Variants in OR8J3 observed in about 807,000 individuals in gnomAD.
The protein encoded by OR8J3 is olfactory receptor 8J3.
For missense variants in OR8J3, 418 were observed against 379.8 expected (o/e 1.10, Z -0.84); for synonymous variants, 170 against 142.6 (o/e 1.19, Z -1.37).
chr11:56,138,693 C>A (rs1262947225), intron 1 of OR8J3, among the ~76,000 whole-genome samples, 196 bp from the exon 2 acceptor site: 20 of 145,510 alleles, frequency 1.4e-4, no homozygotes, highest in Admixed American at 1.4e-4. Flanking sequence ...GACTCCGTCT[C>A]AAAAAAAAAA....
At position 56,136,831 on chromosome 11, in the gene OR8J3, A is replaced by G; in HGVS notation, c.888T>C (p.Asp296=). 2 of 1,607,870 alleles carry G rather than the reference A, an allele frequency of 1.2e-6. No individual in the cohort carries two copies. The highest frequency in any genetic ancestry group is 1.7e-6 in the Non-Finnish European group (2 of 1,178,258). The change falls in exon 2 of 2, where the codon GAT becomes GAC. Residue 296 remains aspartate, a synonymous_variant. Transcript: ENST00000642058. The stretch of plus-strand genomic sequence containing the variant: ...TGAATTTCTTTAAGGCAACATTTAC[A>G]TCATTATTCCTCAGGCTGTAGATCA... ...NPLIYSLRNN[D]VNVALKKFME...
chr11:56,135,084 A>G lies in OR8J3; in HGVS notation c.*1687T>C, dbSNP rs1267757430. 1 of 152,134 alleles carries G rather than the reference A, an allele frequency of 6.6e-6. No homozygotes were observed. The highest frequency in any genetic ancestry group is 1.5e-5 in the Non-Finnish European group (1 of 67,898). The allele number at this position is 152,134 out of a possible 1,614,324, so 9.4% of individuals were successfully genotyped here. ...CATTTGTCATATTTGGCTACAAACA[A>G]TTTTATGGTCTTCTAGCATTTCTTC... On this transcript the variant is annotated 3_prime_UTR_variant, in exon 2 of 2. Coordinates refer to ENST00000642058, the MANE Select transcript of OR8J3 (RefSeq NM_001004064.2).
chr11:56,137,624 AG>A lies in OR8J3; in HGVS notation c.94del (p.Leu32Ter). ...TGCCATGGTCAGCACATAGAGCACT[AG>A]GAAGACCAGGAAGAGGGGAATCTGG... ...ELQIPLFLVF[L>X]VLYVLTMAGN... is the part of the protein sequence containing the mutation. On this transcript the variant is annotated frameshift_variant, in exon 2 of 2. Coordinates refer to ENST00000642058, the MANE Select transcript of OR8J3 (RefSeq NM_001004064.2). LOFTEE classifies it low-confidence loss of function (END_TRUNC). 6.2e-7 allele frequency: 1 copy of A among 1,614,228 alleles called. No homozygotes were observed. The highest frequency in any genetic ancestry group is 8.5e-7 in the Non-Finnish European group (1 of 1,180,032).
chr11:56,135,586 T>A lies in OR8J3; in HGVS notation c.*1185A>T, dbSNP rs1480972425. 1.3e-5 allele frequency: 2 copies of A among 152,000 alleles called. No individual in the cohort carries two copies. Among genetic ancestry groups the A allele is most frequent in the African/African-American group, 4.8e-5 (2 of 41,430 alleles). The allele number at this position is 152,000 out of a possible 1,614,324, so 9.4% of individuals were successfully genotyped here. A position where few individuals can be genotyped will look rare whatever the true frequency, so the allele number is the denominator to read the frequency against. ...TTCATATCATTCATAATTATTCATA[T>A]CATAATTATTCATACCATATCATAA... On this transcript the variant is annotated 3_prime_UTR_variant, in exon 2 of 2. Coordinates refer to ENST00000642058, the MANE Select transcript of OR8J3 (RefSeq NM_001004064.2).
Position 56,137,471 on chromosome 11 carries a change from A to T in OR8J3, c.248T>A (p.Met83Lys). The T allele has an allele frequency of 1.9e-6, 3 of 1,614,238 alleles. No individual in the cohort carries two copies. Among genetic ancestry groups the T allele is most frequent in the Non-Finnish European group, 2.5e-6 (3 of 1,180,040 alleles). Residue 83 changes from methionine (M) to lysine (K), a missense_variant, in exon 2 of 2, where the codon ATG becomes AAG. Physicochemically the swap from Met to Lys is moderately conservative, Grantham distance 95 (BLOSUM62 -1). Coordinates refer to ENST00000642058, the MANE Select transcript of OR8J3 (RefSeq NM_001004064.2). Reference protein sequence around the residue: ...NSTVIAPKMLMNFLVKKKTTS... With the variant: ...NSTVIAPKMLKNFLVKKKTTS... ...AGTTTTCTTCTTTACTAAAAAGTTC[A>T]TCAGCATTTTAGGGGCAATGACAGT... is the stretch of plus-strand genomic sequence containing the variant.
chr11:56,138,938 T>A (rs1350002955), intron 1 of OR8J3, among the ~76,000 whole-genome samples: 1 of 152,174 alleles, frequency 6.6e-6, no homozygotes, highest in Non-Finnish European at 1.5e-5. Flanking sequence ...CTGTTTTTTT[T>A]ACGTTTTTTG....
At position 56,137,777 on chromosome 11, in the gene OR8J3, G is replaced by A. The variant is rs897211509; in HGVS notation, c.-59C>T. 44 of 1,400,620 alleles carry A rather than the reference G, an allele frequency of 3.1e-5. No homozygotes were observed. In the African/African-American group the frequency reaches 5.4e-4, roughly 17 times the overall value. 86.8% of individuals were successfully genotyped at this position (1,400,620 alleles called of 1,614,324 possible). A position where few individuals can be genotyped will look rare whatever the true frequency, so the allele number is the denominator to read the frequency against. Reference sequence around the variant, plus strand: ...AAAATAAGTGGTTATAGACGTTAAGGAATCATTTTCTAGGATTTCCACTAG... The same window carrying A: ...AAAATAAGTGGTTATAGACGTTAAGAAATCATTTTCTAGGATTTCCACTAG... On this transcript the variant is annotated 5_prime_UTR_variant, in exon 2 of 2. Transcript: ENST00000642058.
In OR8J3 at chr11:56,136,562, G is replaced by A. The variant is rs930366471; in HGVS notation, c.*209C>T. 1 of 353,278 alleles carries A rather than the reference G, an allele frequency of 2.8e-6. No individual in the cohort carries two copies. Among genetic ancestry groups the A allele is most frequent in the Non-Finnish European group, 5.0e-6 (1 of 199,158 alleles). The allele number at this position is 353,278 out of a possible 1,614,324, so 21.9% of individuals were successfully genotyped here. On this transcript the variant is annotated 3_prime_UTR_variant, in exon 2 of 2. Transcript: ENST00000642058. Reference sequence around the variant, plus strand: ...AATATTTTATTCAAACTGGTTACCTGATTATTTCTGGGCAAAGTTAATAAA... The same window carrying A: ...AATATTTTATTCAAACTGGTTACCTAATTATTTCTGGGCAAAGTTAATAAA...
rs1214938583 is a variant in OR8J3, at chr11:56,135,966, A to C, written c.*805T>G. ...CAAAAACTATCAGAAAAAAAGAACA[A>C]AAATTCAAAAAATATTTCTGATGAT... On this transcript the variant is annotated 3_prime_UTR_variant, in exon 2 of 2. Transcript: ENST00000642058. The C allele has an allele frequency of 6.6e-6, 1 of 152,048 alleles. No homozygotes were observed. The highest frequency in any genetic ancestry group is 2.4e-5 in the African/African-American group (1 of 41,448). The allele number at this position is 152,048 out of a possible 1,614,324, so 9.4% of individuals were successfully genotyped here.
rs1854331793 is a variant in OR8J3 at position 56,136,603 on chromosome 11, G to T, written c.*168C>A. 2 of 462,894 alleles carry T rather than the reference G, an allele frequency of 4.3e-6. No individual in the cohort carries two copies. The highest frequency in any genetic ancestry group is 7.5e-6 in the Non-Finnish European group (2 of 266,492). The allele number at this position is 462,894 out of a possible 1,614,324, so 28.7% of individuals were successfully genotyped here. A position where few individuals can be genotyped will look rare whatever the true frequency, so the allele number is the denominator to read the frequency against. The stretch of plus-strand genomic sequence containing the variant: ...AGTTAATAAATAATATTTTTGTTTT[G>T]TATTACTCTCATAACTCAAAATGTT... On this transcript the variant is annotated 3_prime_UTR_variant, in exon 2 of 2. Coordinates refer to ENST00000642058, the MANE Select transcript of OR8J3 (RefSeq NM_001004064.2).
In OR8J3 at chr11:56,137,347, C is replaced by T; in HGVS notation, c.372G>A (p.Val124=). Reference sequence around the variant, plus strand: ...TGTAGAGCAGAGGGTTACAAATGGCCACATAGCGGTCATAGGCCATCACAG... The same window carrying T: ...TGTAGAGCAGAGGGTTACAAATGGCTACATAGCGGTCATAGGCCATCACAG... ...MLAVMAYDRY[V]AICNPLLYMV... Residue 124 remains valine, a synonymous_variant, in exon 2 of 2, where the codon GTG becomes GTA. Coordinates refer to ENST00000642058, the MANE Select transcript of OR8J3 (RefSeq NM_001004064.2). 4.3e-6 allele frequency: 7 copies of T among 1,613,972 alleles called. No individual in the cohort carries two copies. Among genetic ancestry groups the T allele is most frequent in the Non-Finnish European group, 5.9e-6 (7 of 1,179,998 alleles).
Position 56,137,841 on chromosome 11 carries a change from G to C in OR8J3, c.-123C>G. On this transcript the variant is annotated 5_prime_UTR_variant, in exon 2 of 2. Transcript: ENST00000642058. ...TTCCTGGGTGTGATCTTCTTGTCAT[G>C]TATTAATCTAATTCAGTTATTAAAC... The C allele has an allele frequency of 1.3e-6, 1 of 749,592 alleles. No individual in the cohort carries two copies. The highest frequency in any genetic ancestry group is 1.8e-5 in the African/African-American group (1 of 56,788). The allele number at this position is 749,592 out of a possible 1,614,324, so 46.4% of individuals were successfully genotyped here.
rs1854339375 is a variant in OR8J3, at chr11:56,137,123, A to G, written c.596T>C (p.Val199Ala). 1 of 1,613,240 alleles carries G rather than the reference A, an allele frequency of 6.2e-7. No homozygotes were observed. The highest frequency in any genetic ancestry group is 8.5e-7 in the Non-Finnish European group (1 of 1,179,690). The change falls in exon 2 of 2, where the codon GTC becomes GCC. Residue 199 changes from valine to alanine, a missense_variant. Transcript: ENST00000642058. ...CSDTYIPETI[V>A]FISAATNLVF... ...CAAATTTGTTGCTGCAGATATAAAG[A>G]CTATTGTTTCTGGTATGTAAGTATC...
At position 56,136,924 on chromosome 11, in the gene OR8J3, G is replaced by T; in HGVS notation, c.795C>A (p.Asn265Lys). ...CCATCTTATCAGTATCCAGTGAGTG[G>T]TTGGTTTGGGGCTGCAAATACATAA... ...MLFMYLQPQT[N>K]HSLDTDKMAS... is the part of the protein sequence containing the mutation. Residue 265 changes from asparagine to lysine, a missense_variant, in exon 2 of 2, where the codon AAC (asparagine) becomes AAA (lysine). Physicochemically the swap from Asn to Lys is moderately conservative, Grantham distance 94. Transcript: ENST00000642058. 6.2e-7 allele frequency: 1 copy of T among 1,614,142 alleles called. No homozygotes were observed. Among genetic ancestry groups the T allele is most frequent in the Non-Finnish European group, 8.5e-7 (1 of 1,180,014 alleles).
Position 56,136,844 on chromosome 11 carries a change from A to T in OR8J3, c.875T>A (p.Leu292Gln). Residue 292 changes from leucine (L) to glutamine (Q), a missense_variant, in exon 2 of 2, where the codon CTG becomes CAG. By Grantham distance (113) the Leu-to-Gln change is moderately radical (BLOSUM62 -2). Transcript: ENST00000642058. Reference protein sequence around the residue: ...IPMLNPLIYSLRNNDVNVALK... With the variant: ...IPMLNPLIYSQRNNDVNVALK... Reference sequence around the variant, plus strand: ...GGCAACATTTACATCATTATTCCTCAGGCTGTAGATCAAGGGATTCAGCAT... The same window carrying T: ...GGCAACATTTACATCATTATTCCTCTGGCTGTAGATCAAGGGATTCAGCAT... 1 of 1,611,934 alleles carries T rather than the reference A, an allele frequency of 6.2e-7. No individual in the cohort carries two copies. Among genetic ancestry groups the T allele is most frequent in the Non-Finnish European group, 8.5e-7 (1 of 1,179,336 alleles).
At position 56,136,947 on chromosome 11, in the gene OR8J3, T is replaced by C; in HGVS notation, c.772A>G (p.Met258Val). The C allele has an allele frequency of 6.2e-7, 1 of 1,613,986 alleles. No homozygotes were observed. The highest frequency in any genetic ancestry group is 8.5e-7 in the Non-Finnish European group (1 of 1,179,974). ...TGGTTGGTTTGGGGCTGCAAATACA[T>C]AAATAGCATTGTCCCATAGAAAACC... ...VTVFYGTMLF[M>V]YLQPQTNHSL... The change falls in exon 2 of 2, where the codon ATG becomes GTG. Residue 258 changes from methionine (M) to valine (V), a missense_variant. Coordinates refer to ENST00000642058, the MANE Select transcript of OR8J3 (RefSeq NM_001004064.2).
chr11:56,139,350 GT>G (rs144074381), intron 1 of OR8J3, among the ~76,000 whole-genome samples: 33,326 of 150,836 alleles, frequency 0.22, 4,571 homozygotes, highest in East Asian at 0.36. Flanking sequence ...AAATAAAGAA[GT>G]GACTACTTAA....
chr11:56,137,770 C>T lies in OR8J3; in HGVS notation c.-52G>A, dbSNP rs753761200. On this transcript the variant is annotated 5_prime_UTR_variant, in exon 2 of 2. Coordinates refer to ENST00000642058, the MANE Select transcript of OR8J3 (RefSeq NM_001004064.2). ...GAGGAAGAAAATAAGTGGTTATAGA[C>T]GTTAAGGAATCATTTTCTAGGATTT... 2 of 1,432,272 alleles carry T rather than the reference C, an allele frequency of 1.4e-6. No homozygotes were observed. 88.7% of individuals were successfully genotyped at this position (1,432,272 alleles called of 1,614,324 possible).
chr11:56,138,145 A>G lies in OR8J3; in HGVS notation c.-427T>C, dbSNP rs988285102. On this transcript the variant is annotated 5_prime_UTR_variant, in exon 2 of 2. Transcript: ENST00000642058. Reference sequence around the variant, plus strand: ...TGGCTACTTGCAATTTCCTAATCTGATAATTCTTCCTTTGCCTCAAGACTA... The same window carrying G: ...TGGCTACTTGCAATTTCCTAATCTGGTAATTCTTCCTTTGCCTCAAGACTA... 6 of 170,444 alleles carry G rather than the reference A, an allele frequency of 3.5e-5. No individual in the cohort carries two copies. The highest frequency in any genetic ancestry group is 5.0e-5 in the Non-Finnish European group (4 of 79,896). The allele number at this position is 170,444 out of a possible 1,614,324, so 10.6% of individuals were successfully genotyped here.
Sources: allele counts gnomAD v4.1 joint callset (sites outside exome capture counted in the v4.1 genomes callset), GRCh38; gene constraint gnomAD v4.1.1; transcripts MANE v1.5; gene names NCBI Gene and HGNC (gene_info 2026-07-23, HGNC 2026-07-21).